The following DNAJC1 variants were observed in gnomAD, a reference collection of about 807,000 sequenced individuals.
DNAJC1 encodes DnaJ heat shock protein family (Hsp40) member C1, also known as dnaJ homolog subfamily C member 1.
Under a neutral mutation model 76.6 loss-of-function variants are expected in DNAJC1, and 58 were observed. That is an observed-to-expected ratio of 0.76 (90% CI 0.61 to 0.94). The LOEUF (loss-of-function observed/expected upper bound fraction) is 0.94. DNAJC1 is among the 40% of genes least tolerant of loss of function. The pLI, the probability that DNAJC1 is intolerant of heterozygous loss-of-function variation, is 0.00. For synonymous variants in DNAJC1, 258 were observed against 267.9 expected, an observed-to-expected ratio of 0.96 and a Z score of 0.36; for missense variants, 689 against 677.3, an observed-to-expected ratio of 1.02 and a Z score of -0.19.
chr10:21,778,005 T>C (rs932745186), intron 9 of DNAJC1, among the ~76,000 whole-genome samples: 1 of 152,100 alleles, frequency 6.6e-6, no homozygotes, highest in African/African-American at 2.4e-5. Flanking sequence ...CTGGCCAACA[T>C]GGTGAAACCA....
chr10:22,003,142 T>C, intron 1 of DNAJC1, 71 bp downstream of exon 1: 4 of 1,393,464 alleles, frequency 2.9e-6, no homozygotes, highest in Non-Finnish European at 3.7e-6. Context: ...TCCGGCTGTC[T>C]CTGAGGAACC....
intron 10 of DNAJC1, among the ~76,000 whole-genome samples, chr10:21,761,436 G>A (rs1192153781): frequency 6.6e-6 from 1 of 151,656 alleles, no homozygotes; most frequent in Non-Finnish European, 1.5e-5. Context: ...GCACGTGCCT[G>A]TAATTCCAGC....
At chr10:21,935,370 C>G (rs1256457967) in intron 1 of DNAJC1, among the ~76,000 whole-genome samples, 1 of 151,978 alleles carries the variant, frequency 6.6e-6, no homozygotes, top group African/African-American at 2.4e-5. Context: ...GGCTCAACAG[C>G]AGGCTTGAGT....
In DNAJC1 at chr10:22,003,346, G is replaced by C. The variant is rs1194488537; in HGVS notation, c.89C>G (p.Pro30Arg). 1 of 1,438,728 alleles carries C rather than the reference G, an allele frequency of 7.0e-7. No individual in the cohort carries two copies. Among genetic ancestry groups the C allele is most frequent in the Non-Finnish European group, 9.1e-7 (1 of 1,099,840 alleles). The allele number at this position is 1,438,728 out of a possible 1,614,324, so 89.1% of individuals were successfully genotyped here. Residue 30 changes from proline to arginine, a missense_variant, in exon 1 of 12, where the codon CCG becomes CGG. Coordinates refer to ENST00000376980, the MANE Select transcript of DNAJC1 (RefSeq NM_022365.4). ...VPFPPPPPRT[P>R]LLWLLLLLLA... Reference sequence around the variant, plus strand: ...CAGCAGCAGCAGCAGCCACAGCAGCGGCGTCCGCGGCGGCGGCGGCGGGAA... The same window carrying C: ...CAGCAGCAGCAGCAGCCACAGCAGCCGCGTCCGCGGCGGCGGCGGCGGGAA...
At chr10:21,893,200 T>C (rs981486359) in intron 7 of DNAJC1, among the ~76,000 whole-genome samples, 15 of 152,292 alleles carry the variant, frequency 9.8e-5, no homozygotes, top group African/African-American at 3.1e-4. Flanking sequence ...GGAATTAAAC[T>C]ATTAATGTTT....
intron 6 of DNAJC1, among the ~76,000 whole-genome samples, chr10:21,905,972 T>C (rs1836738318): frequency 6.6e-6 from 1 of 152,070 alleles, no homozygotes; most frequent in Non-Finnish European, 1.5e-5. Context: ...CAGATGTAAA[T>C]ACATAAATAC....
At chr10:21,816,459 G>A (rs1407865109) in intron 8 of DNAJC1, among the ~76,000 whole-genome samples, 3 of 151,728 alleles carry the variant, frequency 2.0e-5, no homozygotes, top group Non-Finnish European at 4.4e-5. Context: ...TGTGATCCCA[G>A]CACTTTGGGA....
chr10:21,816,441 CT>C (rs569437860), intron 8 of DNAJC1, among the ~76,000 whole-genome samples: 280 of 150,526 alleles, frequency 1.9e-3, no homozygotes, highest in African/African-American at 6.4e-3. Flanking sequence ...GGTGCAGTGG[CT>C]CATGCCTGTG....
chr10:21,855,672 TA>T (rs920963692), intron 8 of DNAJC1, among the ~76,000 whole-genome samples: 1 of 152,106 alleles, frequency 6.6e-6, no homozygotes, highest in Non-Finnish European at 1.5e-5. Flanking sequence ...TTTAGAAGCT[TA>T]AAAAAGAAAA....
chr10:21,895,315 G>A (rs749524720), intron 7 of DNAJC1, among the ~76,000 whole-genome samples: 1 of 152,144 alleles, frequency 6.6e-6, no homozygotes, highest in Non-Finnish European at 1.5e-5. Flanking sequence ...TTCTGATAAG[G>A]CGTTAGTTGG....
chr10:21,850,295 C>T (rs1590014627), intron 8 of DNAJC1, among the ~76,000 whole-genome samples: 2 of 152,150 alleles, frequency 1.3e-5, no homozygotes, highest in African/African-American at 4.8e-5. Context: ...ACATAAAACG[C>T]AGTTGGGTTT....
intron 8 of DNAJC1, among the ~76,000 whole-genome samples, chr10:21,837,656 G>A (rs918499050): frequency 6.6e-6 from 1 of 151,100 alleles, no homozygotes; most frequent in African/African-American, 2.4e-5. Flanking sequence ...TCTAGGAAGT[G>A]AGGAGCCCCT....
chr10:21,917,874 T>C (rs1836980084), intron 6 of DNAJC1, among the ~76,000 whole-genome samples: 1 of 151,912 alleles, frequency 6.6e-6, no homozygotes, highest in Non-Finnish European at 1.5e-5. Flanking sequence ...ATTTTCATTA[T>C]GAGAAAAATA....
intron 9 of DNAJC1, among the ~76,000 whole-genome samples, chr10:21,783,099 G>C (rs545885847): frequency 1.3e-5 from 2 of 152,282 alleles, no homozygotes; most frequent in African/African-American, 4.8e-5. Flanking sequence ...GAGGAAAAGA[G>C]GAAGTCAAAC....
intron 1 of DNAJC1, among the ~76,000 whole-genome samples, chr10:21,993,250 C>T (rs972240572): frequency 6.6e-6 from 1 of 152,156 alleles, no homozygotes; most frequent in Non-Finnish European, 1.5e-5. Flanking sequence ...CACCTGCACC[C>T]TCTCGCTCAT....
intron 8 of DNAJC1, among the ~76,000 whole-genome samples, chr10:21,840,053 G>T (rs538802762): frequency 2.0e-5 from 3 of 152,008 alleles, no homozygotes; most frequent in South Asian, 2.1e-4. Context: ...ATTCAACAAC[G>T]CTTCATGCTA....
At chr10:21,926,380 T>C (rs1445906601) in intron 3 of DNAJC1, among the ~76,000 whole-genome samples, 1 of 151,762 alleles carries the variant, frequency 6.6e-6, no homozygotes, top group Middle Eastern at 3.2e-3. Context: ...CACAATTATA[T>C]AAAAGGGAAA....
At chr10:21,976,223 A>C (rs1366755775) in intron 1 of DNAJC1, among the ~76,000 whole-genome samples, 3 of 152,214 alleles carry the variant, frequency 2.0e-5, no homozygotes, top group Admixed American at 6.5e-5. Context: ...TCCATATTTG[A>C]GAACCAGGAT....
At chr10:21,988,671 T>C (rs1432731313) in intron 1 of DNAJC1, among the ~76,000 whole-genome samples, 3 of 152,196 alleles carry the variant, frequency 2.0e-5, no homozygotes, top group South Asian at 2.1e-4. Flanking sequence ...GTTAGCCTCA[T>C]TGTCCTATGT....
Sources: allele counts gnomAD v4.1 joint callset (sites outside exome capture counted in the v4.1 genomes callset), GRCh38; gene constraint gnomAD v4.1.1; transcripts MANE v1.5; gene names NCBI Gene and HGNC (gene_info 2026-07-23, HGNC 2026-07-21).